Variants in HSF2BP observed in about 807,000 individuals in gnomAD.
The protein encoded by HSF2BP is heat shock transcription factor 2 binding protein.
A neutral mutation model predicts 35.0 loss-of-function variants in HSF2BP; 35 were observed. The ratio of observed to expected loss-of-function variants is 1.00; its 90% CI spans 0.76 to 1.32. The LOEUF is 1.32. Among genes scored for constraint, HSF2BP ranks in the 40% most tolerant of loss-of-function variants. The pLI is 0.00. For synonymous variants in HSF2BP, 114 were observed against 117.4 expected (o/e 0.97, Z 0.18); for missense variants, 326 against 321.7 (o/e 1.01, Z -0.10).
At chr21:43,657,006 A>G (rs1022314332) in intron 2 of HSF2BP, among the ~76,000 whole-genome samples, 21 of 152,184 alleles carry the variant, frequency 1.4e-4, no homozygotes, top group African/African-American at 5.1e-4. Context: ...AATCCCAGGA[A>G]TTTGGGAGGC....
At chr21:43,632,351 TAC>T (rs1421838576) in intron 5 of HSF2BP, among the ~76,000 whole-genome samples, 2 of 15,050 alleles carry the variant, frequency 1.3e-4, no homozygotes, top group Non-Finnish European at 2.5e-4. Flanking sequence ...CATGCTCCCA[TAC>T]ACACACGCTC....
At chr21:43,575,589 A>G (rs1555853653) in intron 8 of HSF2BP, among the ~76,000 whole-genome samples, 1 of 152,186 alleles carries the variant, frequency 6.6e-6, no homozygotes, top group Non-Finnish European at 1.5e-5. Context: ...TTACTTTGGG[A>G]GGAAAGTCTT....
chr21:43,593,585 T>G (rs186359960), intron 7 of HSF2BP, among the ~76,000 whole-genome samples: 1 of 152,250 alleles, frequency 6.6e-6, no homozygotes, highest in East Asian at 1.9e-4. Flanking sequence ...TGAAGATAAT[T>G]TTAAAAGAAA....
chr21:43,657,864 G>A (rs1046778574), intron 2 of HSF2BP, 197 bp downstream of exon 2: 31 of 985,484 alleles, frequency 3.1e-5, no homozygotes, highest in Non-Finnish European at 3.6e-5. Flanking sequence ...CCCCGCGTGG[G>A]TTTGGAGGCG....
the HSF2BP span, among the ~76,000 whole-genome samples, chr21:43,467,921 A>ACACG: frequency 1.8e-5 from 2 of 114,224 alleles, no homozygotes; most frequent in African/African-American, 7.4e-5. Flanking sequence ...CACACCACAC[A>ACACG]CACCACACAC....
At chr21:43,613,527 A>C (rs1410185866) in intron 7 of HSF2BP, among the ~76,000 whole-genome samples, 1 of 152,244 alleles carries the variant, frequency 6.6e-6, no homozygotes. Context: ...TAGAAAACAA[A>C]TACAGATTTT....
At chr21:43,617,819 T>A (rs774550504) in intron 6 of HSF2BP, among the ~76,000 whole-genome samples, 25 of 151,986 alleles carry the variant, frequency 1.6e-4, no homozygotes, top group Non-Finnish European at 3.4e-4. Context: ...CCAGGTGTGG[T>A]GGCATGCACC....
intron 7 of HSF2BP, among the ~76,000 whole-genome samples, chr21:43,592,667 A>G (rs2081941380): frequency 6.6e-6 from 1 of 152,230 alleles, no homozygotes; most frequent in South Asian, 2.1e-4. Context: ...CTCAATTTGT[A>G]AGAGTACTAT....
At chr21:43,580,690 G>A (rs928442823) in intron 8 of HSF2BP, among the ~76,000 whole-genome samples, 5 of 152,176 alleles carry the variant, frequency 3.3e-5, no homozygotes, top group African/African-American at 1.2e-4. Context: ...CTGGGCTAAC[G>A]CAAAACTATC....
intron 6 of HSF2BP, among the ~76,000 whole-genome samples, chr21:43,623,434 GAAGGA>G (rs1057056820): frequency 1.3e-5 from 2 of 152,004 alleles, no homozygotes; most frequent in Admixed American, 1.3e-4. Context: ...AAAAATACTA[GAAGGA>G]AAGAAATAAT....
intron 8 of HSF2BP, among the ~76,000 whole-genome samples, chr21:43,578,325 C>A (rs1174577931): frequency 6.6e-6 from 1 of 152,066 alleles, no homozygotes; most frequent in East Asian, 1.9e-4. Context: ...TTAATACAAT[C>A]TCTAGGGATG....
intron 8 of HSF2BP, among the ~76,000 whole-genome samples, chr21:43,583,751 T>A (rs2081801538): frequency 9.3e-6 from 1 of 107,774 alleles, no homozygotes; most frequent in Admixed American, 1.2e-4. Flanking sequence ...CCGAGGGAGA[T>A]GAAGGGCCTG....
chr21:43,630,291 G>A (rs1052349809), intron 6 of HSF2BP, 31 bp downstream of exon 6: 3 of 1,585,126 alleles, frequency 1.9e-6, no homozygotes, highest in Middle Eastern at 1.7e-4. Context: ...GAAGCAAACA[G>A]GCAACATCTC....
At chr21:43,628,306 C>T (rs914788283) in intron 6 of HSF2BP, among the ~76,000 whole-genome samples, 15 of 152,232 alleles carry the variant, frequency 9.9e-5, no homozygotes, top group African/African-American at 3.4e-4. Flanking sequence ...AAATTAAAAG[C>T]TCTATTCCAG....
At chr21:43,584,132 G>A (rs533856018) in intron 8 of HSF2BP, among the ~76,000 whole-genome samples, 9 of 141,664 alleles carry the variant, frequency 6.4e-5, no homozygotes, top group Admixed American at 2.1e-4. Context: ...AGGACCTGCC[G>A]AAGGAGATGA....
intron 5 of HSF2BP, among the ~76,000 whole-genome samples, chr21:43,632,417 TCCCACA>T (rs1167897279): frequency 1.5e-4 from 8 of 52,546 alleles, no homozygotes; most frequent in Non-Finnish European, 2.4e-4. Context: ...ACACACATGC[TCCCACA>T]CACACACACA....
Position 43,633,393 on chromosome 21 carries a change from T to C in HSF2BP, c.320A>G (p.Asn107Ser), listed in dbSNP as rs765262761. ...CTGCAGGAGTTGCTGCTTCGCTTCA[T>C]TCAACTGCTGTCGAAGAGCCAGTTT... ...KEKLALRQQL[N>S]EAKQQLLQQA... is the part of the protein sequence containing the mutation. The change falls in exon 5 of 9, where the codon AAT becomes AGT. Residue 107 changes from asparagine (N) to serine (S), a missense_variant. Physicochemically the swap from Asn to Ser is conservative, Grantham distance 46. Transcript: ENST00000291560. The C allele has an allele frequency of 6.8e-6, 11 of 1,611,728 alleles. No individual in the cohort carries two copies. In the Admixed American group the frequency reaches 1.5e-4, roughly 22 times the overall value.
chr21:43,595,264 A>T (rs968730398), intron 7 of HSF2BP, among the ~76,000 whole-genome samples: 4 of 152,204 alleles, frequency 2.6e-5, no homozygotes, highest in African/African-American at 9.7e-5. Flanking sequence ...TCTAAAAAAA[A>T]AAGTTTGCAG....
intron 8 of HSF2BP, among the ~76,000 whole-genome samples, chr21:43,572,112 T>A (rs1344347962): frequency 1.3e-5 from 2 of 149,992 alleles, no homozygotes; most frequent in African/African-American, 4.9e-5. Context: ...ACAGTGGGAG[T>A]GAAGGGAAAG....
Sources: allele counts gnomAD v4.1 joint callset (sites outside exome capture counted in the v4.1 genomes callset), GRCh38; gene constraint gnomAD v4.1.1; transcripts MANE v1.5; gene names NCBI Gene and HGNC (gene_info 2026-07-23, HGNC 2026-07-21).